UGT8: variants seen among roughly 807,000 people sequenced by gnomAD.
The protein encoded by UGT8 is 2-hydroxyacylsphingosine 1-beta-galactosyltransferase.
A neutral mutation model predicts 40.5 loss-of-function variants in UGT8; 12 were observed. That is an observed-to-expected ratio of 0.30 (90% confidence interval 0.19 to 0.48). The LOEUF (loss-of-function observed/expected upper bound fraction) is 0.48. Among genes scored for constraint, UGT8 ranks in the 20% least tolerant of loss-of-function variants. The probability of loss-of-function intolerance (pLI) is 0.99; values close to 1 mark genes in which losing one functional copy is unlikely to be tolerated. For synonymous variants in UGT8, 224 were observed against 240.4 expected (o/e 0.93, Z 0.63); for missense variants, 513 against 648.7 (o/e 0.79, Z 2.27).
intron 1 of UGT8, among the ~76,000 whole-genome samples, chr4:114,621,598 A>G (rs1731795458): frequency 6.6e-6 from 1 of 152,214 alleles, no homozygotes; most frequent in African/African-American, 2.4e-5. Context: ...ACGTGCTGAT[A>G]TACCTGGAAA....
chr4:114,663,908 A>G, intron 2 of UGT8, 87 bp from the exon 3 acceptor site: 3 of 1,538,732 alleles, frequency 1.9e-6, no homozygotes, highest in Non-Finnish European at 2.6e-6. Flanking sequence ...ATTACTTAAA[A>G]GGTTTTTTTT....
intron 2 of UGT8, among the ~76,000 whole-genome samples, chr4:114,635,823 G>T (rs949035818): frequency 6.6e-6 from 1 of 152,082 alleles, no homozygotes; most frequent in Non-Finnish European, 1.5e-5. Context: ...ATTTGAATCA[G>T]TTTCCTGTTA....
chr4:114,667,497 G>T (rs1734960990), intron 4 of UGT8, among the ~76,000 whole-genome samples: 1 of 152,100 alleles, frequency 6.6e-6, no homozygotes, highest in South Asian at 2.1e-4. Flanking sequence ...TCTTACAAAT[G>T]ATTATAAATG....
At chr4:114,669,707 G>C (rs964308928) in intron 5 of UGT8, among the ~76,000 whole-genome samples, 1 of 152,174 alleles carries the variant, frequency 6.6e-6, no homozygotes, top group Non-Finnish European at 1.5e-5. Context: ...AGACATGTAA[G>C]TGCTTAATTT....
In UGT8 at chr4:114,640,325, C is replaced by T. The variant is rs377275523; in HGVS notation, c.822+16623C>T. Among the ~76,000 whole-genome samples the T allele has an allele frequency of 1.2e-3, 186 of 151,980 alleles. 2 individuals carry two copies. The highest frequency in any genetic ancestry group is 4.2e-3 in the African/African-American group (176 of 41,492). ...GATTACAGGCGTGAGCCACCGCGCCCGGCCAAAAATATGTTTTTTAGAAGA... is the reference window on the plus strand; with the variant it reads ...GATTACAGGCGTGAGCCACCGCGCCTGGCCAAAAATATGTTTTTTAGAAGA... On this transcript the variant is annotated intron_variant, in intron 2 of 5. Transcript: ENST00000310836.
In UGT8 at chr4:114,668,265, A is replaced by T. The variant is rs751958761; in HGVS notation, c.1223A>T (p.Glu408Val). 1.8e-5 allele frequency: 29 copies of T among 1,613,694 alleles called. 2 individuals are homozygous for T. In the South Asian group the frequency reaches 3.2e-4, roughly 18 times the overall value. Residue 408 changes from glutamate to valine, a missense_variant, in exon 5 of 6, where the codon GAG becomes GTG. Coordinates refer to ENST00000310836, the MANE Select transcript of UGT8 (RefSeq NM_001128174.3). ...LLEWKTVTEK[E>V]LYEALVKVIN... ...GAATGGAAGACAGTTACTGAAAAAG[A>T]GCTCTATGAAGCACTAGTGAAGGTT... is the stretch of plus-strand genomic sequence containing the variant.
chr4:114,659,387 G>T (rs552477450), intron 2 of UGT8, among the ~76,000 whole-genome samples: 1 of 152,298 alleles, frequency 6.6e-6, no homozygotes, highest in Admixed American at 6.5e-5. Flanking sequence ...AAGTTGCATA[G>T]GAATGGAATT....
In UGT8 at chr4:114,673,240, A is replaced by G. The variant is rs559310704; in HGVS notation, c.1263-2685A>G. ...GGAATTTTGAGTTGTAAAATAAACT[A>G]TGCTCATGGGACAATGCCACTACAT... On this transcript the variant is annotated intron_variant, in intron 5 of 5. Transcript: ENST00000310836. Among the ~76,000 whole-genome samples the G allele has an allele frequency of 3.9e-5, 6 of 152,308 alleles. No individual in the cohort carries two copies. In the East Asian group the frequency reaches 5.8e-4, roughly 15 times the overall value.
chr4:114,641,568 A>G (rs756665064), intron 2 of UGT8, among the ~76,000 whole-genome samples: 6 of 152,294 alleles, frequency 3.9e-5, no homozygotes, highest in Non-Finnish European at 8.8e-5. Flanking sequence ...GTTTATTCAT[A>G]TACGTTTATC....
At chr4:114,601,833 T>G (rs28696112) in intron 1 of UGT8, among the ~76,000 whole-genome samples, 26,832 of 151,656 alleles carry the variant, frequency 0.18, 2,534 homozygotes, top group Middle Eastern at 0.23. Context: ...TTTTATGTTT[T>G]TTTTTTTTTT....
At chr4:114,651,272 C>G (rs1383157295) in intron 2 of UGT8, among the ~76,000 whole-genome samples, 1 of 151,990 alleles carries the variant, frequency 6.6e-6, no homozygotes, top group African/African-American at 2.4e-5. Context: ...ATAAAGTACA[C>G]CAAGAAAATA....
rs547863014 is a variant in UGT8, at chr4:114,616,404, G to A, written c.-2-6475G>A. 5.3e-4 allele frequency among the ~76,000 whole-genome samples: 81 copies of A among 152,320 alleles called. 1 individual carries two copies. In the South Asian group the frequency reaches 0.01, roughly 19 times the overall value. On this transcript the variant is annotated intron_variant, in intron 1 of 5. Coordinates refer to ENST00000310836, the MANE Select transcript of UGT8 (RefSeq NM_001128174.3). ...GGGCGTAGGACCCTCTGAGCCATGC[G>A]GGGGATATAATCTCCTGGTGTGCTG...
At chr4:114,650,227 G>T (rs1484488700) in intron 2 of UGT8, among the ~76,000 whole-genome samples, 1 of 152,200 alleles carries the variant, frequency 6.6e-6, no homozygotes, top group East Asian at 1.9e-4. Flanking sequence ...TTGCCTTGGA[G>T]ACCTTTTCCA....
chr4:114,639,905 G>A lies in UGT8; in HGVS notation c.822+16203G>A, dbSNP rs1240217576. On this transcript the variant is annotated intron_variant, in intron 2 of 5. Transcript: ENST00000310836. ...GAAAGCAATGAACTGGAATCAGGAT[G>A]ATGGATGCCTTATTGGGTGCAGGGA... Among the ~76,000 whole-genome samples the A allele has an allele frequency of 3.9e-5, 6 of 152,296 alleles. No homozygotes were observed. The East Asian group carries it at 1.2e-3, about 29-fold the overall frequency.
intron 2 of UGT8, among the ~76,000 whole-genome samples, chr4:114,653,278 G>A (rs1056658553): frequency 3.3e-5 from 5 of 152,062 alleles, no homozygotes; most frequent in Admixed American, 6.6e-5. Context: ...TATCCATGAC[G>A]TTATAGTCGT....
At chr4:114,609,734 T>C (rs1225151878) in intron 1 of UGT8, among the ~76,000 whole-genome samples, 1 of 152,142 alleles carries the variant, frequency 6.6e-6, no homozygotes, top group Non-Finnish European at 1.5e-5. Flanking sequence ...CTGACCATTA[T>C]TTTTGCCAGC....
chr4:114,622,921 C>T lies in UGT8; in HGVS notation c.41C>T (p.Ala14Val). 1 of 1,613,872 alleles carries T rather than the reference C, an allele frequency of 6.2e-7. No individual in the cohort carries two copies. The highest frequency in any genetic ancestry group is 8.5e-7 in the Non-Finnish European group (1 of 1,179,914). The part of the protein sequence containing the change: ...YTPYFILLWS[A>V]VGIAKAAKII... ...CCATATTTCATTCTCCTGTGGAGTG[C>T]TGTTGGGATAGCGAAGGCTGCCAAA... Residue 14 changes from alanine to valine, a missense_variant, in exon 2 of 6, where the codon GCT (alanine) becomes GTT (valine). Physicochemically the swap from Ala to Val is moderately conservative, Grantham distance 64. This residue lies in a region of UGT8 where 335 missense variants were observed against 444.8 expected (regional missense o/e 0.75). Transcript: ENST00000310836.
At chr4:114,667,836 T>A in intron 4 of UGT8, 1 of 799,428 alleles carries the variant, frequency 1.3e-6, no homozygotes, top group Non-Finnish European at 1.5e-6. Flanking sequence ...GCAATATTTG[T>A]GTTAAAAATA....
intron 2 of UGT8, chr4:114,656,679 A>T (rs1342538347): frequency 2.4e-6 from 1 of 411,786 alleles, no homozygotes; most frequent in Admixed American, 3.2e-5. Flanking sequence ...GGAGAACAAT[A>T]GAGGAGATAC....
Sources: allele counts gnomAD v4.1 joint callset (sites outside exome capture counted in the v4.1 genomes callset), GRCh38; gene constraint gnomAD v4.1.1; regional missense constraint gnomAD v4.1.1; transcripts MANE v1.5; gene names NCBI Gene and HGNC (gene_info 2026-07-23, HGNC 2026-07-21).